PDIA5: variants seen among roughly 807,000 people sequenced by gnomAD.
PDIA5 encodes the protein protein disulfide-isomerase A5.
PDIA5 carries 58 observed loss-of-function variants against 77.6 expected under a neutral mutation model. The ratio of observed to expected loss-of-function variants is 0.75; its 90% CI spans 0.61 to 0.93. The LOEUF (loss-of-function observed/expected upper bound fraction) is 0.93, where lower values mean the gene tolerates loss of function less well. PDIA5 is among the 40% of genes least tolerant of loss of function. PDIA5 has a pLI of 0.00. For synonymous variants in PDIA5, 250 were observed against 252.1 expected (o/e 0.99, Z 0.08); for missense variants, 630 against 647.7 (o/e 0.97, Z 0.30).
chr3:123,075,848 A>G (rs887041352), intron 1 of PDIA5, among the ~76,000 whole-genome samples: 1 of 146,416 alleles, frequency 6.8e-6, no homozygotes, highest in Non-Finnish European at 1.5e-5. Flanking sequence ...CGGTAAAGCT[A>G]CAAAACTAGA....
rs138057141 is a variant in PDIA5, at chr3:123,090,667, T to C, written c.169+1373T>C. 1.5e-3 allele frequency among the ~76,000 whole-genome samples: 223 copies of C among 152,210 alleles called. 1 individual carries two copies. Among genetic ancestry groups the C allele is most frequent in the African/African-American group, 5.0e-3 (207 of 41,556 alleles). Reference sequence around the variant, plus strand: ...TGATTCTGCAATGACAGAAGGGCTTTGAGATCAGGTTGGGGCTGAGGCCGG... The same window carrying C: ...TGATTCTGCAATGACAGAAGGGCTTCGAGATCAGGTTGGGGCTGAGGCCGG... On this transcript the variant is annotated intron_variant, in intron 2 of 16. Coordinates refer to ENST00000316218, the MANE Select transcript of PDIA5 (RefSeq NM_006810.4).
rs1935860824 is a variant in PDIA5, at chr3:123,150,298, G to A, written c.1207G>A (p.Val403Met). 2 of 1,613,780 alleles carry A rather than the reference G, an allele frequency of 1.2e-6. No individual in the cohort carries two copies. The highest frequency in any genetic ancestry group is 1.7e-6 in the Non-Finnish European group (2 of 1,179,920). ...GCAGCAGACAAGCGTGTTGCACCTG[G>A]TGGGGGACAACTTCCGGGAGACCCT... is the stretch of plus-strand genomic sequence containing the variant. ...EEQQTSVLHL[V>M]GDNFRETLKK... Residue 403 changes from valine to methionine, a missense_variant, in exon 14 of 17, where the codon GTG becomes ATG. Coordinates refer to ENST00000316218, the MANE Select transcript of PDIA5 (RefSeq NM_006810.4).
chr3:123,138,710 T>C (rs1935552810), intron 11 of PDIA5, among the ~76,000 whole-genome samples: 2 of 152,214 alleles, frequency 1.3e-5, no homozygotes, highest in African/African-American at 4.8e-5. Context: ...TTGGTGCTTA[T>C]GCGTTTGGAA....
At chr3:123,152,620 A>G (rs1160397611) in intron 14 of PDIA5, among the ~76,000 whole-genome samples, 1 of 152,194 alleles carries the variant, frequency 6.6e-6, no homozygotes, top group African/African-American at 2.4e-5. Flanking sequence ...GTAAAGTCAA[A>G]TGCCTGATAG....
chr3:123,116,552 A>G (rs536793979), intron 8 of PDIA5, among the ~76,000 whole-genome samples: 95 of 152,354 alleles, frequency 6.2e-4, no homozygotes, highest in Non-Finnish European at 1.8e-4. Flanking sequence ...GGACACCAGC[A>G]AGATGCACAT....
Position 123,106,796 on chromosome 3 carries a change from G to A in PDIA5, c.435G>A (p.Glu145=). 6.2e-7 allele frequency: 1 copy of A among 1,612,804 alleles called. No homozygotes were observed. The highest frequency in any genetic ancestry group is 1.1e-5 in the South Asian group (1 of 90,996). ...LKDPKGPPLW[E]EDPGAKDVVH... ...ATCCAAAAGGGCCCCCACTGTGGGA[G>A]GAAGATCCTGGAGCCAAAGATGTTG... is the stretch of plus-strand genomic sequence containing the variant. Residue 145 remains glutamate (E), a synonymous_variant, in exon 6 of 17, where the codon GAG becomes GAA. Coordinates refer to ENST00000316218, the MANE Select transcript of PDIA5 (RefSeq NM_006810.4).
At chr3:123,145,458 C>G (rs541031770) in intron 11 of PDIA5, 64 bp from the exon 12 acceptor site, 3 of 1,260,722 alleles carry the variant, frequency 2.4e-6, no homozygotes, top group Non-Finnish European at 3.5e-6. Flanking sequence ...ACAGAGGCGG[C>G]GCAGGGGAGC....
chr3:123,120,289 T>A (rs188891364), intron 8 of PDIA5, among the ~76,000 whole-genome samples: 1 of 152,340 alleles, frequency 6.6e-6, no homozygotes, highest in Non-Finnish European at 1.5e-5. Context: ...AGCTGGGAGA[T>A]CTTGGTCCAA....
rs755421802 is a variant in PDIA5, at chr3:123,111,044, A to C, written c.541+40A>C. ...TCCCTTGGGCCAGAGCTAGTTGTTT[A>C]GTCTCTTTGTGGGTGGGAGGCAGGT... On this transcript the variant is annotated intron_variant, in intron 7 of 16. Coordinates refer to ENST00000316218, the MANE Select transcript of PDIA5 (RefSeq NM_006810.4). 14 of 1,213,588 alleles carry C rather than the reference A, an allele frequency of 1.2e-5. No individual in the cohort carries two copies. The Middle Eastern group carries it at 1.8e-3, about 159-fold the overall frequency. 75.2% of individuals were successfully genotyped at this position (1,213,588 alleles called of 1,614,324 possible).
intron 11 of PDIA5, among the ~76,000 whole-genome samples, chr3:123,139,325 C>T (rs768269691): frequency 1.5e-4 from 23 of 152,260 alleles, no homozygotes; most frequent in Middle Eastern, 6.8e-3. Flanking sequence ...CTATCCATCA[C>T]CCACGGCTCC....
intron 11 of PDIA5, among the ~76,000 whole-genome samples, chr3:123,140,110 A>G (rs755593000): frequency 1.2e-4 from 18 of 152,012 alleles, no homozygotes; most frequent in Non-Finnish European, 1.5e-4. Flanking sequence ...GGTAAGCCGC[A>G]TACAGACCTG....
At chr3:123,130,391 G>T (rs1385653400) in intron 10 of PDIA5, 89 bp from the exon 11 acceptor site, 11 of 1,421,950 alleles carry the variant, frequency 7.7e-6, no homozygotes, top group Non-Finnish European at 9.5e-6. Context: ...CCGAGCCCAT[G>T]GGGAGCTTTG....
At chr3:123,141,624 T>C (rs1935638557) in intron 11 of PDIA5, among the ~76,000 whole-genome samples, 1 of 152,226 alleles carries the variant, frequency 6.6e-6, no homozygotes, top group Non-Finnish European at 1.5e-5. Context: ...GGGCTCACCT[T>C]GGACAGGTGC....
At chr3:123,151,219 A>G (rs1935885479) in intron 14 of PDIA5, among the ~76,000 whole-genome samples, 1 of 152,180 alleles carries the variant, frequency 6.6e-6, no homozygotes. Context: ...CTCCCTGCCC[A>G]TCTCTTTCTG....
chr3:123,096,369 T>C (rs937888269), intron 3 of PDIA5, among the ~76,000 whole-genome samples: 9 of 152,022 alleles, frequency 5.9e-5, no homozygotes, highest in Non-Finnish European at 8.8e-5. Context: ...GTATTTTTTT[T>C]ATAGAGACCA....
At chr3:123,075,113 CT>C (rs757032020) in intron 1 of PDIA5, among the ~76,000 whole-genome samples, 29 of 152,178 alleles carry the variant, frequency 1.9e-4, no homozygotes, top group Non-Finnish European at 3.1e-4. Context: ...GGATTATATC[CT>C]CTTTTTTAGG....
At chr3:123,125,357 T>G (rs1935218813) in intron 10 of PDIA5, among the ~76,000 whole-genome samples, 1 of 152,210 alleles carries the variant, frequency 6.6e-6, no homozygotes, top group Non-Finnish European at 1.5e-5. Flanking sequence ...GATGTTACCG[T>G]TCTCTTCATT....
rs1560534585 is a variant in PDIA5 at position 123,124,249 on chromosome 3, CGTT to C, written c.702-19_702-17del. 6.3e-7 allele frequency: 1 copy of C among 1,598,102 alleles called. No homozygotes were observed. The highest frequency in any genetic ancestry group is 1.1e-5 in the South Asian group (1 of 90,790). On this transcript the variant is annotated intron_variant, in intron 9 of 16. Coordinates refer to ENST00000316218, the MANE Select transcript of PDIA5 (RefSeq NM_006810.4). Reference sequence around the variant, plus strand: ...GCATTTGCATCCGTGACTGAGCCCACGTTGTTTCTCCACGTTTCACAGGAAAGG... The same window carrying C: ...GCATTTGCATCCGTGACTGAGCCCACGTTTCTCCACGTTTCACAGGAAAGG...
intron 13 of PDIA5, among the ~76,000 whole-genome samples, chr3:123,148,442 G>A (rs116991961): frequency 5.3e-5 from 8 of 152,114 alleles, no homozygotes; most frequent in East Asian, 3.9e-4. Context: ...GGTGGTGTGC[G>A]CCTATAGTCC....
Sources: allele counts gnomAD v4.1 joint callset (sites outside exome capture counted in the v4.1 genomes callset), GRCh38; gene constraint gnomAD v4.1.1; transcripts MANE v1.5; gene names NCBI Gene and HGNC (gene_info 2026-07-23, HGNC 2026-07-21).